The following TCF7L2 variants were observed in gnomAD, a reference collection of about 807,000 sequenced individuals.
The protein encoded by TCF7L2 is transcription factor 7-like 2.
A neutral mutation model predicts 77.9 loss-of-function variants in TCF7L2; 23 were observed. The observed-to-expected ratio is 0.30, with a 90% CI of 0.21 to 0.42. TCF7L2 has a LOEUF of 0.42. Among genes scored for constraint, TCF7L2 ranks in the 10% least tolerant of loss-of-function variants. The pLI is 1.00. For synonymous variants in TCF7L2, 413 were observed against 340.2 expected (o/e 1.21, Z -2.36); for missense variants, 654 against 793.1 (o/e 0.82, Z 2.11).
chr10:113,025,995 C>G lies in TCF7L2; in HGVS notation c.451-14030C>G, dbSNP rs559901104. On this transcript the variant is annotated intron_variant, in intron 4 of 13. Transcript: ENST00000627217. ...CCGGGTTCAAGTGATTCTCCTGCCTCAGCTTCTAGAGTAGCTGGGACTACA... is the reference window on the plus strand; with the variant it reads ...CCGGGTTCAAGTGATTCTCCTGCCTGAGCTTCTAGAGTAGCTGGGACTACA... Among the ~76,000 whole-genome samples the G allele has an allele frequency of 1.2e-4, 19 of 152,016 alleles. No individual in the cohort carries two copies. In the South Asian group the frequency reaches 3.9e-3, roughly 32 times the overall value.
At chr10:113,080,642 T>G (rs1214727214) in intron 5 of TCF7L2, among the ~76,000 whole-genome samples, 1 of 152,238 alleles carries the variant, frequency 6.6e-6, no homozygotes, top group African/African-American at 2.4e-5. Context: ...TGAAAAGAAC[T>G]TGTTTTCATT....
intron 5 of TCF7L2, among the ~76,000 whole-genome samples, chr10:113,084,179 A>G (rs925592539): frequency 5.3e-5 from 8 of 152,240 alleles, no homozygotes; most frequent in Non-Finnish European, 8.8e-5. Flanking sequence ...GAGATTTGTA[A>G]TAAGGAACTG....
chr10:113,023,951 A>G (rs2048675043), intron 4 of TCF7L2, among the ~76,000 whole-genome samples: 1 of 151,360 alleles, frequency 6.6e-6, no homozygotes, highest in Admixed American at 6.6e-5. Context: ...AGCCACTGCG[A>G]CTTGCATGTA....
intron 5 of TCF7L2, chr10:113,129,618 C>G: frequency 8.6e-7 from 1 of 1,162,022 alleles, no homozygotes; most frequent in Non-Finnish European, 1.1e-6. Flanking sequence ...CAAGATAATT[C>G]TAGGCAATAT....
chr10:112,954,548 A>G (rs2032989529), intron 3 of TCF7L2, among the ~76,000 whole-genome samples: 1 of 152,246 alleles, frequency 6.6e-6, no homozygotes, highest in South Asian at 2.1e-4. Context: ...AATGGCTTTT[A>G]AAAAGACAGA....
chr10:113,145,285 A>G (rs970797004), intron 7 of TCF7L2, among the ~76,000 whole-genome samples: 2 of 152,136 alleles, frequency 1.3e-5, no homozygotes, highest in Admixed American at 6.5e-5. Flanking sequence ...ACCCTCGAAT[A>G]GTTCTCAGTG....
chr10:112,973,430 G>A (rs926204987), intron 4 of TCF7L2, among the ~76,000 whole-genome samples: 1 of 152,094 alleles, frequency 6.6e-6, no homozygotes, highest in Non-Finnish European at 1.5e-5. Context: ...GCATCCCTGG[G>A]TTGCAAAAGC....
At chr10:113,028,434 G>A (rs1184514369) in intron 4 of TCF7L2, among the ~76,000 whole-genome samples, 1 of 152,066 alleles carries the variant, frequency 6.6e-6, no homozygotes, top group Non-Finnish European at 1.5e-5. Context: ...GGCTTCCTGG[G>A]TGTAGCGTTA....
intron 4 of TCF7L2, among the ~76,000 whole-genome samples, chr10:113,035,013 T>G (rs1257696119): frequency 1.3e-5 from 2 of 151,810 alleles, no homozygotes; most frequent in Non-Finnish European, 2.9e-5. Context: ...CTTTCCTTCC[T>G]TTCTTTTCTC....
At chr10:113,127,280 C>T (rs2065808193) in intron 5 of TCF7L2, among the ~76,000 whole-genome samples, 1 of 149,508 alleles carries the variant, frequency 6.7e-6, no homozygotes, top group Non-Finnish European at 1.5e-5. Context: ...TTAAAGACAC[C>T]AATGCTCCAC....
chr10:112,984,187 A>G (rs1344333107), intron 4 of TCF7L2, among the ~76,000 whole-genome samples: 1 of 152,182 alleles, frequency 6.6e-6, no homozygotes, highest in Non-Finnish European at 1.5e-5. Context: ...TTCCCCCCGT[A>G]CTTACCTCCT....
At chr10:112,985,934 T>A (rs1457317024) in intron 4 of TCF7L2, among the ~76,000 whole-genome samples, 1 of 151,810 alleles carries the variant, frequency 6.6e-6, no homozygotes, top group East Asian at 1.9e-4. Context: ...AGCCGCTACT[T>A]CACTTGAAAG....
intron 5 of TCF7L2, among the ~76,000 whole-genome samples, chr10:113,121,267 T>G (rs1591978724): frequency 6.6e-6 from 1 of 152,192 alleles, no homozygotes; most frequent in East Asian, 1.9e-4. Flanking sequence ...TCTCCCGCCC[T>G]CTTCCTTCCT....
At chr10:113,063,739 A>G (rs2056839554) in intron 5 of TCF7L2, among the ~76,000 whole-genome samples, 1 of 152,138 alleles carries the variant, frequency 6.6e-6, no homozygotes, top group African/African-American at 2.4e-5. Context: ...GGAGAAAGCA[A>G]CAAGAAAAAG....
At chr10:112,983,127 G>GT (rs1381792103) in intron 4 of TCF7L2, among the ~76,000 whole-genome samples, 5 of 150,942 alleles carry the variant, frequency 3.3e-5, no homozygotes, top group African/African-American at 9.7e-5. Flanking sequence ...TTTGTTTTTT[G>GT]TTTTTTTGTT....
At chr10:113,092,388 A>G (rs1374512947) in intron 5 of TCF7L2, among the ~76,000 whole-genome samples, 1 of 152,220 alleles carries the variant, frequency 6.6e-6, no homozygotes, top group Non-Finnish European at 1.5e-5. Flanking sequence ...GTTCACATAC[A>G]GGCTGTATGT....
chr10:113,150,019 A>T (rs1005620034), intron 8 of TCF7L2, among the ~76,000 whole-genome samples: 2 of 152,244 alleles, frequency 1.3e-5, no homozygotes, highest in African/African-American at 4.8e-5. Flanking sequence ...GTCAGTCTGC[A>T]GATGGGCCAA....
intron 4 of TCF7L2, among the ~76,000 whole-genome samples, chr10:113,006,192 T>C (rs1590305541): frequency 6.6e-6 from 1 of 151,950 alleles, no homozygotes; most frequent in Non-Finnish European, 1.5e-5. Flanking sequence ...TCTGCCGTAA[T>C]GAAAGTCGTC....
At chr10:113,148,528 G>A (rs755162086) in intron 8 of TCF7L2, among the ~76,000 whole-genome samples, 3 of 152,120 alleles carry the variant, frequency 2.0e-5, no homozygotes, top group Non-Finnish European at 4.4e-5. Flanking sequence ...GATGACATCC[G>A]GTTAACAGAA....
Sources: gnomAD v4.1 joint callset for allele counts (sites outside exome capture counted in the v4.1 genomes callset) on GRCh38, gnomAD v4.1.1 for gene constraint, MANE v1.5 for transcripts, NCBI Gene and HGNC (gene_info 2026-07-23, HGNC 2026-07-21) for gene names.